The following SIPA1L3 variants were observed in gnomAD, a reference collection of about 807,000 sequenced individuals.
SIPA1L3 encodes signal induced proliferation associated 1 like 3.
Under a neutral mutation model 150.1 loss-of-function variants are expected in SIPA1L3, and 59 were observed. The ratio of observed to expected loss-of-function variants is 0.39; its 90% CI spans 0.32 to 0.49. The LOEUF (loss-of-function observed/expected upper bound fraction) is 0.49. SIPA1L3 is among the 20% of genes least tolerant of loss of function. SIPA1L3 has a pLI of 0.86. For synonymous variants in SIPA1L3, 1,070 were observed against 1,077.6 expected (o/e 0.99, Z 0.14); for missense variants, 2,211 against 2,489.5 (o/e 0.89, Z 2.38).
In SIPA1L3 at chr19:38,082,977, C is replaced by T; in HGVS notation, c.1412C>T (p.Ala471Val). ...EPALSAYRTN[A>V]SISVLEVPKE... ...GCCCTGAGCGCCTACCGCACCAACG[C>T]CAGCATCTCGGTGTTGGAAGTTCCC... is the stretch of plus-strand genomic sequence containing the variant. Residue 471 changes from alanine (A) to valine (V), a missense_variant, in exon 3 of 22, where the codon GCC becomes GTC. By Grantham distance (64) the Ala-to-Val change is moderately conservative (BLOSUM62 0). This residue lies in a region of SIPA1L3 where 587 missense variants were observed against 534.5 expected (regional missense o/e 1.10). Coordinates refer to ENST00000222345, the MANE Select transcript of SIPA1L3 (RefSeq NM_015073.3). 6.2e-7 allele frequency: 1 copy of T among 1,613,212 alleles called. No individual in the cohort carries two copies. Among genetic ancestry groups the T allele is most frequent in the Non-Finnish European group, 8.5e-7 (1 of 1,179,888 alleles).
At chr19:38,033,725 G>A (rs1391659320) in intron 2 of SIPA1L3, among the ~76,000 whole-genome samples, 3 of 152,128 alleles carry the variant, frequency 2.0e-5, no homozygotes, top group African/African-American at 4.8e-5. Flanking sequence ...TTGTACAGAT[G>A]GGGAGTAGAT....
chr19:38,098,120 C>T lies in SIPA1L3; in HGVS notation c.1666-1842C>T, dbSNP rs182353209. 8.6e-4 allele frequency among the ~76,000 whole-genome samples: 131 copies of T among 152,274 alleles called. 1 individual carries two copies. The highest frequency in any genetic ancestry group is 1.7e-3 in the Non-Finnish European group (115 of 68,034). ...CTGGAGCACAGTGCAGTGAACTGCA[C>T]CTTCATAAATGTGACTTGTTATTAA... On this transcript the variant is annotated intron_variant, in intron 4 of 21. Coordinates refer to ENST00000222345, the MANE Select transcript of SIPA1L3 (RefSeq NM_015073.3).
chr19:38,130,506 C>G lies in SIPA1L3; in HGVS notation c.2877C>G (p.Thr959=), dbSNP rs1423744819. 1 of 1,611,188 alleles carries G rather than the reference C, an allele frequency of 6.2e-7. No homozygotes were observed. The highest frequency in any genetic ancestry group is 8.5e-7 in the Non-Finnish European group (1 of 1,178,950). The change falls in exon 10 of 22, where the codon ACC becomes ACG. Residue 959 remains threonine (T), a synonymous_variant. Coordinates refer to ENST00000222345, the MANE Select transcript of SIPA1L3 (RefSeq NM_015073.3). ...CTGCCTGTGGCCTGCAGGTGATGAC[C>G]AGTGGCTGGGAGACGGTGGACATGA... ...REIVQRLKVM[T]SGWETVDMTL... is the part of the protein sequence containing the mutation.
intron 2 of SIPA1L3, among the ~76,000 whole-genome samples, chr19:38,035,712 A>T (rs898739517): frequency 1.2e-4 from 19 of 152,072 alleles, no homozygotes; most frequent in South Asian, 2.1e-4. Flanking sequence ...CGCATAATAG[A>T]TGATAATGAG....
At chr19:37,948,136 C>T (rs1324525118) in intron 1 of SIPA1L3, among the ~76,000 whole-genome samples, 5 of 152,292 alleles carry the variant, frequency 3.3e-5, no homozygotes, top group Admixed American at 1.3e-4. Context: ...TGGGCCAAAC[C>T]AGGGAAGACG....
intron 1 of SIPA1L3, among the ~76,000 whole-genome samples, chr19:38,018,581 G>T (rs142150842): frequency 2.6e-4 from 39 of 152,214 alleles, no homozygotes; most frequent in African/African-American, 7.5e-4. Flanking sequence ...TCCATGTCAC[G>T]CATGGATTCT....
chr19:38,139,247 CA>C (rs1971515678), intron 10 of SIPA1L3, among the ~76,000 whole-genome samples: 1 of 152,118 alleles, frequency 6.6e-6, no homozygotes, highest in Non-Finnish European at 1.5e-5. Flanking sequence ...CTGCTTAGAG[CA>C]CATGACAATT....
At chr19:37,949,273 C>T (rs1328914427) in intron 1 of SIPA1L3, among the ~76,000 whole-genome samples, 3 of 152,080 alleles carry the variant, frequency 2.0e-5, no homozygotes, top group South Asian at 2.1e-4. Flanking sequence ...ATTTCCAGGT[C>T]GCAACCACAG....
In SIPA1L3 at chr19:38,193,545, G is replaced by C. The variant is rs780241633; in HGVS notation, c.4605G>C (p.Pro1535=). The part of the protein sequence containing the change: ...PEQERDTGQS[P]QKGLQRTLSD... The stretch of plus-strand genomic sequence containing the variant: ...CCACCCACGCCCCACAGCAGTCACC[G>C]CAGAAGGGCCTGCAGCGGACGCTGT... Residue 1535 remains proline (P), a synonymous_variant, in exon 18 of 22, where the codon CCG becomes CCC. Transcript: ENST00000222345. The C allele has an allele frequency of 6.7e-7, 1 of 1,496,856 alleles. No individual in the cohort carries two copies. Among genetic ancestry groups the C allele is most frequent in the Non-Finnish European group, 8.8e-7 (1 of 1,132,554 alleles). 92.7% of individuals were successfully genotyped at this position (1,496,856 alleles called of 1,614,324 possible).
At chr19:38,182,802 GA>G (rs907344656) in intron 16 of SIPA1L3, 62 bp downstream of exon 16, 2 of 1,298,640 alleles carry the variant, frequency 1.5e-6, no homozygotes, top group African/African-American at 2.9e-5. Context: ...CTCCGGGGCG[GA>G]AAGAGGGTGA....
At chr19:37,944,763 C>A (rs1341956395) in intron 1 of SIPA1L3, among the ~76,000 whole-genome samples, 2 of 152,036 alleles carry the variant, frequency 1.3e-5, no homozygotes, top group Non-Finnish European at 2.9e-5. Flanking sequence ...CCAGCCTGGC[C>A]AACATGGTGA....
chr19:38,163,780 G>A (rs1600156543), intron 14 of SIPA1L3, among the ~76,000 whole-genome samples: 1 of 152,184 alleles, frequency 6.6e-6, no homozygotes, highest in Non-Finnish European at 1.5e-5. Context: ...TGGAGACCGG[G>A]ACCCAAGCAT....
intron 1 of SIPA1L3, among the ~76,000 whole-genome samples, chr19:38,003,457 C>A (rs1286701049): frequency 6.6e-6 from 1 of 152,188 alleles, no homozygotes; most frequent in African/African-American, 2.4e-5. Context: ...TCTAGATAAG[C>A]CCCACTTCTG....
chr19:38,096,327 G>A (rs896884544), intron 4 of SIPA1L3, among the ~76,000 whole-genome samples: 18 of 152,138 alleles, frequency 1.2e-4, no homozygotes, highest in South Asian at 6.2e-4. Flanking sequence ...TTGGCTCACT[G>A]CAACCTCCGC....
In SIPA1L3 at chr19:38,164,772, C is replaced by T. The variant is rs202162795; in HGVS notation, c.4074C>T (p.Asp1358=). The change falls in exon 15 of 22, where the codon GAC becomes GAT. Residue 1358 remains aspartate (D), a synonymous_variant. Transcript: ENST00000222345. This position sits in a 1 kb window ranked among gnomAD's most constrained non-coding sequence, Gnocchi z 4.1. ...CCGCTGGGAGGTCCCACCACGCAGACAGGCGGCGGGAGGTCTCCCCTGCCC... is the reference window on the plus strand; with the variant it reads ...CCGCTGGGAGGTCCCACCACGCAGATAGGCGGCGGGAGGTCTCCCCTGCCC... The part of the protein sequence containing the change: ...REAAGRSHHA[D]RRREVSPAPA... The T allele has an allele frequency of 5.6e-6, 9 of 1,612,560 alleles. No homozygotes were observed. Among genetic ancestry groups the T allele is most frequent in the Non-Finnish European group, 7.6e-6 (9 of 1,179,488 alleles).
In SIPA1L3 at chr19:37,954,828, T is replaced by G. The variant is rs143278027; in HGVS notation, c.-379+47470T>G. Among the ~76,000 whole-genome samples the G allele has an allele frequency of 6.8e-4, 103 of 152,262 alleles. No individual in the cohort carries two copies. The East Asian group carries it at 0.015, about 23-fold the overall frequency. On this transcript the variant is annotated intron_variant, in intron 1 of 21. Coordinates refer to ENST00000222345, the MANE Select transcript of SIPA1L3 (RefSeq NM_015073.3). ...CAGGCTGGGCGCAGTGGCTTATGCCTGTAATCCCAGTACTTTGGGAGGCCA... is the reference window on the plus strand; with the variant it reads ...CAGGCTGGGCGCAGTGGCTTATGCCGGTAATCCCAGTACTTTGGGAGGCCA...
intron 15 of SIPA1L3, among the ~76,000 whole-genome samples, chr19:38,167,433 G>T (rs773207786): frequency 6.6e-6 from 1 of 151,990 alleles, no homozygotes; most frequent in Non-Finnish European, 1.5e-5. Context: ...GCACTTCCCC[G>T]GGCACACTGT....
chr19:37,922,989 T>A (rs62112281), intron 1 of SIPA1L3, among the ~76,000 whole-genome samples: 1 of 149,464 alleles, frequency 6.7e-6, no homozygotes, highest in Non-Finnish European at 1.5e-5. Flanking sequence ...AAAAAAAAAT[T>A]AGCTGGGCGT....
chr19:38,149,623 T>C (rs1025403465), intron 12 of SIPA1L3, among the ~76,000 whole-genome samples: 1 of 152,198 alleles, frequency 6.6e-6, no homozygotes, highest in African/African-American at 2.4e-5. Flanking sequence ...TGTATTGCTG[T>C]CCTTGGCCTT....
Sources: allele counts gnomAD v4.1 joint callset (sites outside exome capture counted in the v4.1 genomes callset), GRCh38; gene constraint gnomAD v4.1.1; regional missense constraint gnomAD v4.1.1; non-coding constraint Gnocchi (gnomAD v3.1); transcripts MANE v1.5; gene names NCBI Gene and HGNC (gene_info 2026-07-23, HGNC 2026-07-21).